The following PTCHD4 variants were observed in gnomAD, a reference collection of about 807,000 sequenced individuals.
PTCHD4 encodes the protein patched domain containing 4.
In PTCHD4, 33 loss-of-function variants were observed where a neutral mutation model predicts 58.1. The observed-to-expected ratio is 0.57, with a 90% confidence interval of 0.43 to 0.76. PTCHD4 has a LOEUF of 0.76. PTCHD4 is among the 30% of genes least tolerant of loss of function. PTCHD4 has a pLI of 0.00. For synonymous variants in PTCHD4, 478 were observed against 409.6 expected, an observed-to-expected ratio of 1.17 and a Z score of -2.02; for missense variants, 1,058 against 1,027.1, an observed-to-expected ratio of 1.03 and a Z score of -0.41.
intron 4 of PTCHD4, among the ~76,000 whole-genome samples, chr6:47,997,724 A>G (rs1768554784): frequency 6.6e-6 from 1 of 152,228 alleles, no homozygotes; most frequent in Non-Finnish European, 1.5e-5. Context: ...AAAGAAGCCA[A>G]CAACTATGAT....
Position 47,877,022 on chromosome 6 carries a change from T to C in PTCHD4, c.*1281A>G, listed in dbSNP as rs1270905745. 2.6e-5 allele frequency among the ~76,000 whole-genome samples: 4 copies of C among 151,980 alleles called. No homozygotes were observed. The highest frequency in any genetic ancestry group is 9.7e-5 in the African/African-American group (4 of 41,410). ...AAGCTACAAATGGTACTGCAGTAGG[T>C]GTAGTGAACACTACTATAGTGATCA... is the stretch of plus-strand genomic sequence containing the variant. On this transcript the variant is annotated 3_prime_UTR_variant, in exon 5 of 5. Coordinates refer to ENST00000339488, the MANE Select transcript of PTCHD4 (RefSeq NM_001384253.1).
rs113903938 is a variant in PTCHD4, at chr6:47,890,705, T to G, written c.899-10769A>C. 1.7e-3 allele frequency among the ~76,000 whole-genome samples: 264 copies of G among 152,266 alleles called. 2 individuals are homozygous for G. Among genetic ancestry groups the G allele is most frequent in the African/African-American group, 5.9e-3 (246 of 41,562 alleles). Reference sequence around the variant, plus strand: ...GATGTCTTTACTGCCCCAGCTGAGTTGGCTTTGTAAGGGGGGGGATTCCCG... The same window carrying G: ...GATGTCTTTACTGCCCCAGCTGAGTGGGCTTTGTAAGGGGGGGGATTCCCG... On this transcript the variant is annotated intron_variant, in intron 4 of 4. Transcript: ENST00000339488.
rs1763674806 is a variant in PTCHD4 at position 47,870,085 on chromosome 6, T to C, written c.*8218A>G. ...ATTTATCACTACTTTAATATATAAA[T>C]TATTTCTATTATTATGACTAATGGA... On this transcript the variant is annotated 3_prime_UTR_variant, in exon 5 of 5. Transcript: ENST00000339488. Among the ~76,000 whole-genome samples the C allele has an allele frequency of 6.6e-6, 1 of 151,694 alleles. No homozygotes were observed. The highest frequency in any genetic ancestry group is 2.4e-5 in the African/African-American group (1 of 41,396).
In PTCHD4 at chr6:47,858,171, A is replaced by T. The variant is rs574342177; in HGVS notation, c.*20132T>A. Reference sequence around the variant, plus strand: ...TAGCAAGTGAGAGCTCTGAATGAATACTCCAGCAATTATAGGAGAGGGAAG... The same window carrying T: ...TAGCAAGTGAGAGCTCTGAATGAATTCTCCAGCAATTATAGGAGAGGGAAG... On this transcript the variant is annotated 3_prime_UTR_variant, in exon 5 of 5. Transcript: ENST00000339488. Among the ~76,000 whole-genome samples the T allele has an allele frequency of 6.6e-6, 1 of 151,960 alleles. No homozygotes were observed. Among genetic ancestry groups the T allele is most frequent in the South Asian group, 2.1e-4 (1 of 4,824 alleles).
rs150953194 is a variant in PTCHD4, at chr6:48,036,247, A to T, written c.418-27133T>A. On this transcript the variant is annotated intron_variant, in intron 3 of 4. Coordinates refer to ENST00000339488, the MANE Select transcript of PTCHD4 (RefSeq NM_001384253.1). ...AGAAATACAATTTGCAAAGACAAAG[A>T]GTTGATGTTACCAAGCCAGACTAAG... is the stretch of plus-strand genomic sequence containing the variant. Among the ~76,000 whole-genome samples, 16 of 152,230 alleles carry T rather than the reference A, an allele frequency of 1.1e-4. No homozygotes were observed. The East Asian group carries it at 3.1e-3, about 29-fold the overall frequency.
chr6:48,097,445 T>C (rs933243827), intron 1 of PTCHD4, among the ~76,000 whole-genome samples: 1 of 140,280 alleles, frequency 7.1e-6, no homozygotes, highest in African/African-American at 2.6e-5. Flanking sequence ...AGATAAATTA[T>C]AGATTTGGAA....
chr6:47,867,037 A>T lies in PTCHD4; in HGVS notation c.*11266T>A, dbSNP rs560404930. ...AGATGATATATTTTACCATAGGGAC[A>T]TAGTACTTGTTTACAATGTTTTCTT... On this transcript the variant is annotated 3_prime_UTR_variant, in exon 5 of 5. Coordinates refer to ENST00000339488, the MANE Select transcript of PTCHD4 (RefSeq NM_001384253.1). Among the ~76,000 whole-genome samples, 1 of 151,988 alleles carries T rather than the reference A, an allele frequency of 6.6e-6. No individual in the cohort carries two copies. Among genetic ancestry groups the T allele is most frequent in the East Asian group, 1.9e-4 (1 of 5,138 alleles).
intron 1 of PTCHD4, among the ~76,000 whole-genome samples, chr6:48,071,159 T>C (rs1764968291): frequency 1.3e-5 from 2 of 152,208 alleles, no homozygotes; most frequent in Admixed American, 1.3e-4. Flanking sequence ...CAGCGTACTC[T>C]CTTCTCACAA....
At chr6:48,035,230 T>C (rs530340944) in intron 3 of PTCHD4, among the ~76,000 whole-genome samples, 3 of 152,222 alleles carry the variant, frequency 2.0e-5, no homozygotes, top group South Asian at 4.1e-4. Flanking sequence ...AAGATGATAA[T>C]ACATCTAACA....
chr6:47,880,581 G>T (rs1763991654), intron 4 of PTCHD4, among the ~76,000 whole-genome samples: 1 of 151,844 alleles, frequency 6.6e-6, no homozygotes, highest in African/African-American at 2.4e-5. Context: ...GACCTTCGGG[G>T]TGAAAAATCT....
intron 3 of PTCHD4, among the ~76,000 whole-genome samples, chr6:48,044,592 C>T (rs2114157831): frequency 6.6e-6 from 1 of 151,976 alleles, no homozygotes; most frequent in African/African-American, 2.4e-5. Flanking sequence ...ACAAACCTGG[C>T]CCTTGCCAGT....
At chr6:47,903,206 A>C (rs149803938) in intron 4 of PTCHD4, among the ~76,000 whole-genome samples, 8 of 152,224 alleles carry the variant, frequency 5.3e-5, no homozygotes, top group Non-Finnish European at 1.2e-4. Context: ...TTGAATATTA[A>C]AAGAGAAAGA....
In PTCHD4 at chr6:47,876,169, C is replaced by T. The variant is rs377302296; in HGVS notation, c.*2134G>A. ...ATGAGATCATGGTCTGGAGGCTACT[C>T]GTACCAAATACCAGTTCATTCTAGT... is the stretch of plus-strand genomic sequence containing the variant. On this transcript the variant is annotated 3_prime_UTR_variant, in exon 5 of 5. Transcript: ENST00000339488. Among the ~76,000 whole-genome samples the T allele has an allele frequency of 1.5e-4, 23 of 151,856 alleles. No individual in the cohort carries two copies. Among genetic ancestry groups the T allele is most frequent in the Admixed American group, 3.9e-4 (6 of 15,214 alleles).
At chr6:47,975,650 C>T (rs146468055) in intron 4 of PTCHD4, among the ~76,000 whole-genome samples, 1 of 152,338 alleles carries the variant, frequency 6.6e-6, no homozygotes, top group Admixed American at 6.5e-5. Context: ...GTCACTACTG[C>T]ACCCACCTGC....
rs550114381 is a variant in PTCHD4, at chr6:48,064,055, A to ACTGATTTCACTT, written c.417+4174_417+4175insAAGTGAAATCAG. On this transcript the variant is annotated intron_variant, in intron 3 of 4. Transcript: ENST00000339488. The stretch of plus-strand genomic sequence containing the variant: ...TTTCAAATGTGGTACATTGAAGTAC[A>ACTGATTTCACTT]TACTGATTTCACTTTAACATCTGTT... 2.3e-4 allele frequency among the ~76,000 whole-genome samples: 35 copies of ACTGATTTCACTT among 152,306 alleles called. No homozygotes were observed. The South Asian group carries it at 6.8e-3, about 30-fold the overall frequency.
chr6:48,109,447 T>C (rs948678789), intron 1 of PTCHD4, among the ~76,000 whole-genome samples: 1 of 152,116 alleles, frequency 6.6e-6, no homozygotes, highest in Non-Finnish European at 1.5e-5. Context: ...ATTATTTTAG[T>C]GAGACCTGGA....
intron 4 of PTCHD4, among the ~76,000 whole-genome samples, chr6:47,885,191 T>C (rs775943384): frequency 9.2e-5 from 14 of 152,102 alleles, no homozygotes; most frequent in Non-Finnish European, 1.8e-4. Flanking sequence ...AAGAGAGAGT[T>C]CTTAAGGGTA....
At position 47,858,954 on chromosome 6, in the gene PTCHD4, A is replaced by G. The variant is rs990916042; in HGVS notation, c.*19349T>C. ...ATCTTACAGAACCTATGATTTAATTACAAGCATCTGTTTTTGAGACTAATC... is the reference window on the plus strand; with the variant it reads ...ATCTTACAGAACCTATGATTTAATTGCAAGCATCTGTTTTTGAGACTAATC... On this transcript the variant is annotated 3_prime_UTR_variant, in exon 5 of 5. Transcript: ENST00000339488. Among the ~76,000 whole-genome samples, 42 of 152,208 alleles carry G rather than the reference A, an allele frequency of 2.8e-4. No homozygotes were observed. The highest frequency in any genetic ancestry group is 1.0e-3 in the African/African-American group (42 of 41,566).
intron 3 of PTCHD4, among the ~76,000 whole-genome samples, chr6:48,059,243 G>A (rs1358754728): frequency 6.6e-6 from 1 of 152,156 alleles, no homozygotes; most frequent in Non-Finnish European, 1.5e-5. Flanking sequence ...AAGATTCTTA[G>A]ATGATTATTA....
Sources: allele counts gnomAD v4.1 joint callset (sites outside exome capture counted in the v4.1 genomes callset), GRCh38; gene constraint gnomAD v4.1.1; transcripts MANE v1.5; gene names NCBI Gene and HGNC (gene_info 2026-07-23, HGNC 2026-07-21).